CDCP1: variants seen among roughly 807,000 people sequenced by gnomAD.
The protein encoded by CDCP1 is CUB domain-containing protein 1.
CDCP1 carries 29 observed loss-of-function variants against 60.2 expected under a neutral mutation model. The ratio of observed to expected loss-of-function variants is 0.48; its 90% CI spans 0.36 to 0.66. The LOEUF (loss-of-function observed/expected upper bound fraction) is 0.66. Among genes scored for constraint, CDCP1 ranks in the 30% least tolerant of loss-of-function variants. The probability of loss-of-function intolerance (pLI) is 0.00; values close to 1 mark genes in which losing one functional copy is unlikely to be tolerated. For missense variants in CDCP1, 876 were observed against 1,074.3 expected (o/e 0.82, Z 2.58); for synonymous variants, 387 against 431.1 (o/e 0.90, Z 1.27).
chr3:45,085,884 C>T lies in CDCP1; in HGVS notation c.2265G>A (p.Leu755=), dbSNP rs777935463. 5.0e-6 allele frequency: 8 copies of T among 1,614,060 alleles called. No individual in the cohort carries two copies. The highest frequency in any genetic ancestry group is 8.5e-7 in the Non-Finnish European group (1 of 1,180,050). Residue 755 remains leucine, a synonymous_variant, in exon 9 of 9, where the codon CTG becomes CTA. Coordinates refer to ENST00000296129, the MANE Select transcript of CDCP1 (RefSeq NM_022842.5). The surrounding 1 kb of genome is among the most constrained non-coding windows in gnomAD (Gnocchi z 4.2). ...HLLQDSSGSF[L]QPEVDTYRPF... ...GCCGGTAGGTGTCCACCTCTGGCTGCAGGAAGGAGCCGCTGGAATCCTGTA... is the reference window on the plus strand; with the variant it reads ...GCCGGTAGGTGTCCACCTCTGGCTGTAGGAAGGAGCCGCTGGAATCCTGTA...
intron 2 of CDCP1, among the ~76,000 whole-genome samples, chr3:45,114,576 G>A (rs550225302): frequency 3.4e-4 from 52 of 152,062 alleles, no homozygotes; most frequent in African/African-American, 1.1e-3. Context: ...TGCCATGCCT[G>A]GGTAATTTCT....
At chr3:45,096,745 G>A (rs376744230) in intron 4 of CDCP1, among the ~76,000 whole-genome samples, 10 of 150,926 alleles carry the variant, frequency 6.6e-5, no homozygotes, top group African/African-American at 1.5e-4. Flanking sequence ...AAATCTCTCC[G>A]TGAAACAAAA....
At chr3:45,121,091 C>T (rs6778989) in intron 1 of CDCP1, among the ~76,000 whole-genome samples, 147,245 of 152,318 alleles carry the variant, frequency 0.97, 71,241 homozygotes, top group East Asian at 0.98. Context: ...CTATTAGTCC[C>T]TGTGTGCTTG....
intron 1 of CDCP1, among the ~76,000 whole-genome samples, chr3:45,145,662 A>C (rs1699369478): frequency 6.6e-6 from 1 of 152,058 alleles, no homozygotes; most frequent in Non-Finnish European, 1.5e-5. Flanking sequence ...GGAGAGGGGG[A>C]ATGCAGCGTG....
chr3:45,115,395 G>A (rs1576101779), intron 2 of CDCP1, among the ~76,000 whole-genome samples: 2 of 152,330 alleles, frequency 1.3e-5, no homozygotes, highest in East Asian at 1.9e-4. Flanking sequence ...ATGTTTGTGT[G>A]CATGTATGTA....
chr3:45,121,518 G>T (rs1408595111), intron 1 of CDCP1, among the ~76,000 whole-genome samples: 1 of 152,192 alleles, frequency 6.6e-6, no homozygotes, highest in Non-Finnish European at 1.5e-5. Flanking sequence ...TCCAATCTGA[G>T]GCTACAGCCC....
intron 1 of CDCP1, among the ~76,000 whole-genome samples, chr3:45,130,504 T>C (rs1384565977): frequency 6.6e-6 from 1 of 152,200 alleles, no homozygotes. Context: ...TCTCCCGCCA[T>C]CCTTCTGGAC....
At chr3:45,123,884 G>A (rs1280860809) in intron 1 of CDCP1, among the ~76,000 whole-genome samples, 1 of 152,156 alleles carries the variant, frequency 6.6e-6, no homozygotes, top group Non-Finnish European at 1.5e-5. Flanking sequence ...AGGCTTTATG[G>A]GCTGAAAGGC....
At position 45,091,268 on chromosome 3, in the gene CDCP1, T is replaced by C. The variant is rs1698290080; in HGVS notation, c.1898A>G (p.His633Arg). ...EDVLPKPSFH[H>R]HSFWVNISNC... ...AGAGATGTTGACCCAGAAGCTGTGATGGTGGAAGCTTGGCTTGGGGAGCAC... is the reference window on the plus strand; with the variant it reads ...AGAGATGTTGACCCAGAAGCTGTGACGGTGGAAGCTTGGCTTGGGGAGCAC... The change falls in exon 7 of 9, where the codon CAT becomes CGT. Residue 633 changes from histidine (H) to arginine (R), a missense_variant. Coordinates refer to ENST00000296129, the MANE Select transcript of CDCP1 (RefSeq NM_022842.5). The surrounding 1 kb of genome is among the most constrained non-coding windows in gnomAD (Gnocchi z 4.8). 2 of 1,613,646 alleles carry C rather than the reference T, an allele frequency of 1.2e-6. No homozygotes were observed. The highest frequency in any genetic ancestry group is 1.3e-5 in the African/African-American group (1 of 74,768).
chr3:45,119,407 T>A (rs893221679), intron 1 of CDCP1, among the ~76,000 whole-genome samples: 1 of 152,156 alleles, frequency 6.6e-6, no homozygotes, highest in Admixed American at 6.6e-5. Context: ...AGCCACTTTC[T>A]CCTTAGCTGA....
At position 45,133,734 on chromosome 3, in the gene CDCP1, A is replaced by AAAAAC. The variant is rs1299341923; in HGVS notation, c.82+12471_82+12472insGTTTT. ...CTCCGTCTCAAAAAAAAAAAAAAAA[A>AAAAAC]AAAAAAAAGAGGCTAGCAGCCCTCC... On this transcript the variant is annotated intron_variant, in intron 1 of 8. Coordinates refer to ENST00000296129, the MANE Select transcript of CDCP1 (RefSeq NM_022842.5). Among the ~76,000 whole-genome samples, 2 of 17,946 alleles carry AAAAAC rather than the reference A, an allele frequency of 1.1e-4. 1 individual carries two copies. Among genetic ancestry groups the AAAAAC allele is most frequent in the East Asian group, 3.2e-3 (2 of 616 alleles). 11.8% of individuals were successfully genotyped at this position (17,946 alleles called of 152,430 possible). A position where few individuals can be genotyped will look rare whatever the true frequency, so the allele number is the denominator to read the frequency against.
chr3:45,138,833 G>A (rs34143902), intron 1 of CDCP1, among the ~76,000 whole-genome samples: 20,690 of 151,838 alleles, frequency 0.14, 1,515 homozygotes, highest in African/African-American at 0.15. Context: ...GCAACAGAGC[G>A]AAAACTCCAT....
At chr3:45,135,044 C>T (rs780579666) in intron 1 of CDCP1, among the ~76,000 whole-genome samples, 10 of 152,058 alleles carry the variant, frequency 6.6e-5, no homozygotes, top group Non-Finnish European at 1.2e-4. Context: ...GTTAAGTCAA[C>T]GAGGACAGCC....
chr3:45,118,606 G>A lies in CDCP1; in HGVS notation c.98C>T (p.Ala33Val), dbSNP rs757215878. ...TGTAATGTTGCTTTCTCGTGGCAGA[G>A]CAATCTCAAAAGCTTCTGAAGGAAG... is the stretch of plus-strand genomic sequence containing the variant. ...LPRGAEAFEI[A>V]LPRESNITVL... Residue 33 changes from alanine (A) to valine (V), a missense_variant, in exon 2 of 9, where the codon GCT (alanine) becomes GTT (valine). This residue lies in a region of CDCP1 where 150 missense variants were observed against 138.6 expected (regional missense o/e 1.08). Transcript: ENST00000296129. 2 of 1,613,756 alleles carry A rather than the reference G, an allele frequency of 1.2e-6. No individual in the cohort carries two copies. The highest frequency in any genetic ancestry group is 1.7e-5 in the Admixed American group (1 of 60,002).
intron 8 of CDCP1, among the ~76,000 whole-genome samples, chr3:45,087,257 A>G (rs4683040): frequency 0.94 from 142,614 of 152,242 alleles, 67,484 homozygotes; most frequent in East Asian, 1. Context: ...GTCTCTCCTC[A>G]TTCTCACTGC....
intron 8 of CDCP1, 43 bp downstream of exon 8, chr3:45,089,011 G>A: frequency 1.4e-6 from 2 of 1,412,240 alleles, no homozygotes; most frequent in Non-Finnish European, 2.0e-6. Context: ...TGTGATCTGA[G>A]GAGGCATCAA....
At position 45,135,109 on chromosome 3, in the gene CDCP1, T is replaced by G. The variant is rs567705786; in HGVS notation, c.82+11097A>C. The stretch of plus-strand genomic sequence containing the variant: ...AAGTTACAAGAACAAGGACAGTCAT[T>G]ACGGAAGGCGTTATATCAACTAGGA... On this transcript the variant is annotated intron_variant, in intron 1 of 8. Coordinates refer to ENST00000296129, the MANE Select transcript of CDCP1 (RefSeq NM_022842.5). Among the ~76,000 whole-genome samples, 3 of 152,250 alleles carry G rather than the reference T, an allele frequency of 2.0e-5. No individual in the cohort carries two copies. In the East Asian group the frequency reaches 5.8e-4, roughly 29 times the overall value.
At chr3:45,131,185 T>A (rs565250727) in intron 1 of CDCP1, among the ~76,000 whole-genome samples, 15 of 151,578 alleles carry the variant, frequency 9.9e-5, no homozygotes, top group East Asian at 7.7e-4. Flanking sequence ...TTTAAAAAAA[T>A]TTTTTTTATT....
Position 45,112,215 on chromosome 3 carries a change from C to T in CDCP1, c.523G>A (p.Gly175Arg), listed in dbSNP as rs765788136. ...ACAGTGCCATTGCTGCAGAAGGTTC[C>T]GATCCTGACCACGGTGGCATCGATT... Reference protein sequence around the residue: ...GRIDATVVRIGTFCSNGTVSR... With the variant: ...GRIDATVVRIRTFCSNGTVSR... The change falls in exon 3 of 9, where the codon GGA becomes AGA. Residue 175 changes from glycine (G) to arginine (R), a missense_variant. Gly to Arg is a moderately radical substitution (Grantham distance 125, BLOSUM62 -2). This residue lies in a region of CDCP1 where 726 missense variants were observed against 935.7 expected (regional missense o/e 0.78). Transcript: ENST00000296129. 3 of 1,614,056 alleles carry T rather than the reference C, an allele frequency of 1.9e-6. No individual in the cohort carries two copies. Among genetic ancestry groups the T allele is most frequent in the African/African-American group, 1.3e-5 (1 of 74,920 alleles).
Sources: gnomAD v4.1 joint callset for allele counts (sites outside exome capture counted in the v4.1 genomes callset) on GRCh38, gnomAD v4.1.1 for gene constraint, gnomAD v4.1.1 regional missense constraint, Gnocchi (gnomAD v3.1) non-coding constraint, MANE v1.5 for transcripts, NCBI Gene and HGNC (gene_info 2026-07-23, HGNC 2026-07-21) for gene names.